The following ADAMTS18 variants were observed in gnomAD, a reference collection of about 807,000 sequenced individuals.
The protein encoded by ADAMTS18 is A disintegrin and metalloproteinase with thrombospondin motifs 18.
ADAMTS18 carries 157 observed loss-of-function variants against 165.9 expected under a neutral mutation model. The ratio of observed to expected loss-of-function variants is 0.95; its 90% CI spans 0.83 to 1.08. The LOEUF is 1.08. Among genes scored for constraint, ADAMTS18 ranks in the 50% least tolerant of loss-of-function variants. The pLI is 0.00. For missense variants in ADAMTS18, 2,040 were observed against 1,534.0 expected, an observed-to-expected ratio of 1.33 and a Z score of -5.51; for synonymous variants, 782 against 578.2, an observed-to-expected ratio of 1.35 and a Z score of -5.06.
At chr16:77,322,754 A>C (rs79322017) in intron 13 of ADAMTS18, among the ~76,000 whole-genome samples, 1 of 152,140 alleles carries the variant, frequency 6.6e-6, no homozygotes, top group Non-Finnish European at 1.5e-5. Flanking sequence ...GCCTCCCTGG[A>C]TAGTAAACCT....
At position 77,326,001 on chromosome 16, in the gene ADAMTS18, G is replaced by T. The variant is rs139533163; in HGVS notation, c.1897C>A (p.Arg633Ser). The change falls in exon 13 of 23, where the codon CGT becomes AGT. Residue 633 changes from arginine to serine, a missense_variant. By Grantham distance (110) the Arg-to-Ser change is moderately radical. Transcript: ENST00000282849. ...YGGLFCPGSSRIYQLCNINPC... is the reference protein window; with the variant it reads ...YGGLFCPGSSSIYQLCNINPC... Reference sequence around the variant, plus strand: ...TTAATATTGCACAGCTGATAAATACGGCTAGAACCTGGACAGAATAAGCCA... The same window carrying T: ...TTAATATTGCACAGCTGATAAATACTGCTAGAACCTGGACAGAATAAGCCA... 6.2e-7 allele frequency: 1 copy of T among 1,613,940 alleles called. No individual in the cohort carries two copies.
chr16:77,342,264 C>G, intron 10 of ADAMTS18, among the ~76,000 whole-genome samples: 1 of 152,206 alleles, frequency 6.6e-6, no homozygotes, highest in East Asian at 1.9e-4. Flanking sequence ...GCACTTGACT[C>G]TATAGACTTA....
At chr16:77,379,048 C>G (rs937229446) in intron 3 of ADAMTS18, 1 of 140,548 alleles carries the variant, frequency 7.1e-6, no homozygotes, top group Non-Finnish European at 1.5e-5. Flanking sequence ...GAAGAGAAAC[C>G]ATAAATTTTT....
In ADAMTS18 at chr16:77,367,683, G is replaced by A. The variant is rs387906972; in HGVS notation, c.536C>T (p.Ser179Leu). The change falls in exon 4 of 23, where the codon TCG (serine) becomes TTG (leucine). Residue 179 changes from serine (S) to leucine (L), a missense_variant. Transcript: ENST00000282849. Reference protein sequence around the residue: ...IRTRKNEFLISPLPQLLAQEH... With the variant: ...IRTRKNEFLILPLPQLLAQEH... ...CTGGGCCAGAAGCTGAGGTAATGGC[G>A]AGATGAGGAATTCATTTTTTCGTGT... 1.9e-5 allele frequency: 31 copies of A among 1,614,022 alleles called. No individual in the cohort carries two copies. Among genetic ancestry groups the A allele is most frequent in the South Asian group, 1.6e-4 (15 of 91,090 alleles).
intron 3 of ADAMTS18, among the ~76,000 whole-genome samples, chr16:77,398,834 T>G (rs1012618875): frequency 6.6e-6 from 1 of 152,060 alleles, no homozygotes; most frequent in South Asian, 2.1e-4. Context: ...GAAACTGTGT[T>G]AAGAAGTGTA....
intron 18 of ADAMTS18, among the ~76,000 whole-genome samples, chr16:77,296,629 G>A (rs1336215832): frequency 6.6e-6 from 1 of 152,156 alleles, no homozygotes; most frequent in East Asian, 1.9e-4. Context: ...AGGCCAGCCT[G>A]GCCAACATGG....
rs28874139 is a variant in ADAMTS18 at position 77,369,633 on chromosome 16, C to A, written c.496-1910G>T. ...TCTCCCATCAAAGAAAAGCCCAGGG[C>A]CAGATGGCTTCCCTGATGATTTCTA... On this transcript the variant is annotated intron_variant, in intron 3 of 22. Transcript: ENST00000282849. 3.1e-3 allele frequency among the ~76,000 whole-genome samples: 467 copies of A among 152,240 alleles called. 6 individuals are homozygous for A. Among genetic ancestry groups the A allele is most frequent in the African/African-American group, 0.011 (453 of 41,532 alleles).
chr16:77,372,308 T>C (rs1461728977), intron 3 of ADAMTS18, among the ~76,000 whole-genome samples: 1 of 152,214 alleles, frequency 6.6e-6, no homozygotes, highest in Non-Finnish European at 1.5e-5. Context: ...TGAAGAGATA[T>C]CTGCACTCCA....
At chr16:77,373,526 A>C (rs2056907036) in intron 3 of ADAMTS18, among the ~76,000 whole-genome samples, 1 of 152,134 alleles carries the variant, frequency 6.6e-6, no homozygotes, top group South Asian at 2.1e-4. Flanking sequence ...ATGCAAAGGC[A>C]TAAGAATGAT....
chr16:77,411,909 G>C (rs531260217), intron 3 of ADAMTS18, among the ~76,000 whole-genome samples: 6 of 151,854 alleles, frequency 4.0e-5, no homozygotes, highest in South Asian at 2.1e-4. Flanking sequence ...GGATGGTCTT[G>C]AACTCCTGAC....
In ADAMTS18 at chr16:77,385,718, G is replaced by A. The variant is rs927567606; in HGVS notation, c.496-17995C>T. On this transcript the variant is annotated intron_variant, in intron 3 of 22. Transcript: ENST00000282849. ...TCAACCCATTGGGCAGGTGCACAGT[G>A]GAGCTGGATGATTGACAGGACTTCC... Among the ~76,000 whole-genome samples, 4 of 152,276 alleles carry A rather than the reference G, an allele frequency of 2.6e-5. 1 individual carries two copies. Among genetic ancestry groups the A allele is most frequent in the Admixed American group, 2.6e-4 (4 of 15,294 alleles).
chr16:77,300,232 A>G, intron 17 of ADAMTS18, 31 bp downstream of exon 17: 1 of 1,613,696 alleles, frequency 6.2e-7, no homozygotes, highest in Non-Finnish European at 8.5e-7. Context: ...AGAGAGACAG[A>G]CTTTGGAGAC....
At chr16:77,306,042 G>A (rs1392422639) in intron 16 of ADAMTS18, among the ~76,000 whole-genome samples, 1 of 152,116 alleles carries the variant, frequency 6.6e-6, no homozygotes, top group Admixed American at 6.6e-5. Flanking sequence ...TCACAATAAT[G>A]CCATTGCTTA....
At chr16:77,383,894 A>C (rs1039754403) in intron 3 of ADAMTS18, among the ~76,000 whole-genome samples, 3 of 152,106 alleles carry the variant, frequency 2.0e-5, no homozygotes, top group African/African-American at 7.2e-5. Context: ...GATGCTTCAA[A>C]GGTCACCTGT....
chr16:77,424,014 C>G (rs1395388841), intron 3 of ADAMTS18, among the ~76,000 whole-genome samples: 1 of 152,194 alleles, frequency 6.6e-6, no homozygotes, highest in Non-Finnish European at 1.5e-5. Context: ...CCACCAAACA[C>G]CAAGCTAAGC....
chr16:77,364,412 A>G (rs368071123), intron 4 of ADAMTS18, 31 bp from the exon 5 acceptor site: 2 of 1,605,104 alleles, frequency 1.2e-6, no homozygotes, highest in African/African-American at 1.3e-5. Flanking sequence ...TTTGGAAGGG[A>G]TATTAGAGAA....
At chr16:77,371,684 G>C (rs961493398) in intron 3 of ADAMTS18, among the ~76,000 whole-genome samples, 1 of 152,038 alleles carries the variant, frequency 6.6e-6, no homozygotes, top group African/African-American at 2.4e-5. Context: ...GAAAACATAG[G>C]GAAAATACTT....
rs150767971 is a variant in ADAMTS18, at chr16:77,424,000, G to A, written c.495+7295C>T. On this transcript the variant is annotated intron_variant, in intron 3 of 22. Transcript: ENST00000282849. Reference sequence around the variant, plus strand: ...AAAGTCAAGACTAATCAAGCATGGAGCTTCCACCAAACACCAAGCTAAGCA... The same window carrying A: ...AAAGTCAAGACTAATCAAGCATGGAACTTCCACCAAACACCAAGCTAAGCA... 5.1e-3 allele frequency among the ~76,000 whole-genome samples: 779 copies of A among 152,280 alleles called. 7 individuals carry two copies. The highest frequency in any genetic ancestry group is 0.018 in the African/African-American group (753 of 41,552).
intron 16 of ADAMTS18, among the ~76,000 whole-genome samples, chr16:77,314,754 A>T (rs113241546): frequency 0.37 from 9,424 of 25,462 alleles, 2,061 homozygotes; most frequent in African/African-American, 0.44. Flanking sequence ...CTCAGGTTTC[A>T]TATATATATA....
Sources: gnomAD v4.1 joint callset for allele counts (sites outside exome capture counted in the v4.1 genomes callset) on GRCh38, gnomAD v4.1.1 for gene constraint, MANE v1.5 for transcripts, NCBI Gene and HGNC (gene_info 2026-07-23, HGNC 2026-07-21) for gene names.